Variants in PTGIS observed in about 807,000 individuals in gnomAD.
PTGIS encodes prostaglandin I2 synthase.
A neutral mutation model predicts 50.3 loss-of-function variants in PTGIS; 45 were observed. That is an observed-to-expected ratio of 0.90 (90% CI 0.70 to 1.15). The LOEUF (loss-of-function observed/expected upper bound fraction) is 1.15. Among genes scored for constraint, PTGIS ranks in the 50% most tolerant of loss-of-function variants. PTGIS has a pLI of 0.00. For missense variants in PTGIS, 668 were observed against 661.3 expected (o/e 1.01, Z -0.11); for synonymous variants, 260 against 267.7 (o/e 0.97, Z 0.28).
rs200101009 is a variant in PTGIS at position 49,539,716 on chromosome 20, C to T, written c.527G>A (p.Gly176Asp). Reference protein sequence around the residue: ...DFSYSFLLRAGYLTLYGIEAL... With the variant: ...DFSYSFLLRADYLTLYGIEAL... The stretch of plus-strand genomic sequence containing the variant: ...CTCAATTCCGTAAAGAGTCAGGTAG[C>T]CGGCTCTGGGGGCGGCAGACAGAGG... The change falls in exon 5 of 10, where the codon GGC (glycine) becomes GAC (aspartate). Residue 176 changes from glycine to aspartate, a missense_variant. Physicochemically the swap from Gly to Asp is moderately conservative, Grantham distance 94. Transcript: ENST00000244043. 115 of 1,611,584 alleles carry T rather than the reference C, an allele frequency of 7.1e-5. 1 individual carries two copies. The highest frequency in any genetic ancestry group is 9.4e-5 in the Non-Finnish European group (111 of 1,179,780).
At chr20:49,521,616 G>C (rs1266447570) in intron 6 of PTGIS, among the ~76,000 whole-genome samples, 1 of 152,180 alleles carries the variant, frequency 6.6e-6, no homozygotes, top group Non-Finnish European at 1.5e-5. Flanking sequence ...CACTGATGTG[G>C]GGGACAACTG....
intron 5 of PTGIS, among the ~76,000 whole-genome samples, chr20:49,536,129 T>C (rs936929206): frequency 1.3e-5 from 2 of 152,234 alleles, no homozygotes; most frequent in African/African-American, 2.4e-5. Context: ...ACACTGTAGA[T>C]GTGCATATTT....
At chr20:49,532,041 G>A (rs1250535635) in intron 5 of PTGIS, among the ~76,000 whole-genome samples, 1 of 152,136 alleles carries the variant, frequency 6.6e-6, no homozygotes, top group African/African-American at 2.4e-5. Context: ...CTCGAATGCA[G>A]CCACATTTAA....
rs1424911968 is a variant in PTGIS, at chr20:49,507,958, C to T, written c.1465G>A (p.Glu489Lys). 3.7e-6 allele frequency: 6 copies of T among 1,613,352 alleles called. No individual in the cohort carries two copies. Among genetic ancestry groups the T allele is most frequent in the Non-Finnish European group, 4.2e-6 (5 of 1,180,052 alleles). Reference sequence around the variant, plus strand: ...CGGTAGCGGACGGGCACGTCGTGTTCCGGCTGCATCAGACCGAAGCCGTAC... The same window carrying T: ...CGGTAGCGGACGGGCACGTCGTGTTTCGGCTGCATCAGACCGAAGCCGTAC... ...SRYGFGLMQPEHDVPVRYRIR... is the reference protein window; with the variant it reads ...SRYGFGLMQPKHDVPVRYRIR... The change falls in exon 10 of 10, where the codon GAA becomes AAA. Residue 489 changes from glutamate (E) to lysine (K), a missense_variant. Transcript: ENST00000244043.
Position 49,514,297 on chromosome 20 carries a change from C to G in PTGIS, c.954G>C (p.Trp318Cys). ...AVRGELESIL[W>C]QAEQPVSQTT... The stretch of plus-strand genomic sequence containing the variant: ...TCTGCGAGACAGGCTGCTCCGCTTG[C>G]CAAAGGATACTCTCGAGCTCTCCGC... The change falls in exon 7 of 10, where the codon TGG (tryptophan) becomes TGC (cysteine). Residue 318 changes from tryptophan (W) to cysteine (C), a missense_variant. Physicochemically the swap from Trp to Cys is radical, Grantham distance 215. Transcript: ENST00000244043. The G allele has an allele frequency of 6.2e-7, 1 of 1,614,126 alleles. No individual in the cohort carries two copies. Among genetic ancestry groups the G allele is most frequent in the Non-Finnish European group, 8.5e-7 (1 of 1,180,038 alleles).
chr20:49,541,231 C>T (rs1056593833), intron 4 of PTGIS, among the ~76,000 whole-genome samples: 4 of 152,124 alleles, frequency 2.6e-5, no homozygotes. Flanking sequence ...GGAAACCTAG[C>T]AGGAGCAGAG....
Position 49,508,034 on chromosome 20 carries a change from G to A in PTGIS, c.1389C>T (p.Asp463=). The A allele has an allele frequency of 1.2e-6, 2 of 1,613,970 alleles. No homozygotes were observed. The highest frequency in any genetic ancestry group is 1.1e-5 in the South Asian group (1 of 91,078). The change falls in exon 10 of 10, where the codon GAC becomes GAT. Residue 463 remains aspartate, a synonymous_variant. Transcript: ENST00000244043. ...QFVFLVLVHL[D]LELINADVEI... is the part of the protein sequence containing the mutation. ...CCACATCTGCGTTGATCAGCTCCAA[G>A]TCCAAGTGCACCAGCACAAGGAACA...
chr20:49,565,005 C>T (rs1982861696), intron 1 of PTGIS, among the ~76,000 whole-genome samples: 1 of 144,948 alleles, frequency 6.9e-6, no homozygotes, highest in African/African-American at 2.6e-5. Context: ...TGGAGTCGCT[C>T]TGTCGCCCAG....
intron 5 of PTGIS, among the ~76,000 whole-genome samples, chr20:49,527,521 A>G (rs1204899744): frequency 6.6e-6 from 1 of 152,182 alleles, no homozygotes. Context: ...GAAGTATACT[A>G]TTCGACAGAA....
intron 2 of PTGIS, 73 bp from the exon 3 acceptor site, chr20:49,548,092 T>C: frequency 7.0e-7 from 1 of 1,438,728 alleles, no homozygotes; most frequent in South Asian, 1.2e-5. Context: ...GTCAGGGCCT[T>C]ACTGTGTGCC....
At chr20:49,520,697 C>T (rs1981629245) in intron 6 of PTGIS, among the ~76,000 whole-genome samples, 2 of 152,116 alleles carry the variant, frequency 1.3e-5, no homozygotes, top group Admixed American at 6.5e-5. Context: ...GACAGGGTCT[C>T]ACTATGTCAC....
At chr20:49,560,772 C>T (rs1231945933) in intron 1 of PTGIS, among the ~76,000 whole-genome samples, 1 of 151,998 alleles carries the variant, frequency 6.6e-6, no homozygotes, top group Admixed American at 6.5e-5. Context: ...CAGGAGCCAG[C>T]GTGGCTGGAG....
At chr20:49,517,632 C>T (rs1160403485) in intron 6 of PTGIS, among the ~76,000 whole-genome samples, 4 of 152,212 alleles carry the variant, frequency 2.6e-5, no homozygotes, top group Admixed American at 2.6e-4. Flanking sequence ...CAGTGCCACC[C>T]CTGTTCTAGC....
At chr20:49,524,602 G>A (rs1981747752) in intron 5 of PTGIS, among the ~76,000 whole-genome samples, 1 of 152,106 alleles carries the variant, frequency 6.6e-6, no homozygotes, top group Admixed American at 6.5e-5. Context: ...CTTGAGACTG[G>A]GTAATTTATT....
intron 1 of PTGIS, among the ~76,000 whole-genome samples, chr20:49,551,800 ATGTG>A (rs1302327693): frequency 7.8e-6 from 1 of 127,830 alleles, no homozygotes; most frequent in African/African-American, 3.0e-5. Flanking sequence ...ATGCATGTGT[ATGTG>A]TTTGTGTGTG....
intron 6 of PTGIS, among the ~76,000 whole-genome samples, chr20:49,516,483 C>A (rs1490286107): frequency 6.6e-6 from 1 of 152,150 alleles, no homozygotes; most frequent in East Asian, 1.9e-4. Flanking sequence ...CTATGTTTCC[C>A]AGGCTGTATC....
chr20:49,548,122 A>G, intron 2 of PTGIS, 103 bp from the exon 3 acceptor site: 1 of 1,058,236 alleles, frequency 9.4e-7, no homozygotes, highest in Non-Finnish European at 1.4e-6. Flanking sequence ...CCCACTGGAC[A>G]GTAACACACT....
At chr20:49,547,792 T>C (rs1250038704) in intron 3 of PTGIS, 49 bp downstream of exon 3, 1 of 1,594,386 alleles carries the variant, frequency 6.3e-7, no homozygotes, top group African/African-American at 1.3e-5. Context: ...TGAGTAGAAA[T>C]GAGTCGCCCA....
chr20:49,526,773 G>A (rs1157122360), intron 5 of PTGIS, among the ~76,000 whole-genome samples: 1 of 152,146 alleles, frequency 6.6e-6, no homozygotes, highest in Non-Finnish European at 1.5e-5. Context: ...AAAAACCACA[G>A]TGTGATACCA....
Sources: allele counts gnomAD v4.1 joint callset (sites outside exome capture counted in the v4.1 genomes callset), GRCh38; gene constraint gnomAD v4.1.1; transcripts MANE v1.5; gene names NCBI Gene and HGNC (gene_info 2026-07-23, HGNC 2026-07-21).